Variants in OR2L13 observed in about 807,000 individuals in gnomAD.
OR2L13 encodes the protein olfactory receptor family 2 subfamily L member 13.
Under a neutral mutation model 15.3 loss-of-function variants are expected in OR2L13, and 14 were observed. The observed-to-expected ratio is 0.91, with a 90% confidence interval of 0.60 to 1.43. OR2L13 has a LOEUF of 1.43. OR2L13 is among the 40% of genes most tolerant of loss of function. OR2L13 has a pLI of 0.00. For synonymous variants in OR2L13, 152 were observed against 142.9 expected (o/e 1.06, Z -0.45); for missense variants, 367 against 387.9 (o/e 0.95, Z 0.45).
At chr1:248,060,282 A>T in the OR2L13 span, among the ~76,000 whole-genome samples, 1 of 152,166 alleles carries the variant, frequency 6.6e-6, no homozygotes. Context: ...AATATCTGGT[A>T]ACAAATGTTG....
chr1:247,986,577 A>G, the OR2L13 span, among the ~76,000 whole-genome samples: 424 of 152,222 alleles, frequency 2.8e-3, 1 homozygote, highest in African/African-American at 9.5e-3. Context: ...TTGGCTTAGG[A>G]TTGACTTGGC....
At chr1:247,955,488 G>A in the OR2L13 span, among the ~76,000 whole-genome samples, 5,709 of 151,848 alleles carry the variant, frequency 0.038, 120 homozygotes, top group African/African-American at 0.06. Flanking sequence ...TGGGTCAAAT[G>A]GTATTTCTAC....
chr1:248,085,220 T>G, the OR2L13 span, among the ~76,000 whole-genome samples: 4 of 151,670 alleles, frequency 2.6e-5, no homozygotes, highest in African/African-American at 7.3e-5. Flanking sequence ...GCCTCCATTA[T>G]AACTTTAAAC....
chr1:248,085,872 A>G, the OR2L13 span, among the ~76,000 whole-genome samples: 1,236 of 152,208 alleles, frequency 8.1e-3, 10 homozygotes, highest in African/African-American at 0.027. Flanking sequence ...GCAGTTCACA[A>G]TAGGGCTCAC....
the OR2L13 span, chr1:247,975,419 GGAA>G: frequency 1.4e-6 from 1 of 694,244 alleles, no homozygotes; most frequent in Non-Finnish European, 2.7e-6. Flanking sequence ...GCAGAAGGGA[GGAA>G]GAAGGCCTAT....
chr1:248,033,798 T>C, the OR2L13 span, among the ~76,000 whole-genome samples: 2 of 152,250 alleles, frequency 1.3e-5, no homozygotes, highest in South Asian at 2.1e-4. Flanking sequence ...CATACTGTTT[T>C]GATTTCTGTA....
chr1:248,072,605 G>A, the OR2L13 span, among the ~76,000 whole-genome samples: 16 of 151,842 alleles, frequency 1.1e-4, no homozygotes, highest in African/African-American at 2.4e-4. Flanking sequence ...AGCAATGGCA[G>A]CAAAAGCCAA....
At chr1:247,965,729 T>G in the OR2L13 span, 39 of 1,559,506 alleles carry the variant, frequency 2.5e-5, no homozygotes, top group Admixed American at 7.6e-4. Context: ...CTTGGTTTTA[T>G]GTCTTATGAT....
the OR2L13 span, chr1:247,966,092 C>G: frequency 1.9e-6 from 3 of 1,614,130 alleles, no homozygotes; most frequent in Non-Finnish European, 2.5e-6. Context: ...AAAGCTGTTT[C>G]CACTTGTTCC....
At chr1:248,022,118 C>T in the OR2L13 span, 58 of 1,613,942 alleles carry the variant, frequency 3.6e-5, no homozygotes, top group South Asian at 5.7e-4. Context: ...TCCACACACC[C>T]ATGTATTTCC....
chr1:248,059,786 T>A, the OR2L13 span, among the ~76,000 whole-genome samples: 1 of 152,190 alleles, frequency 6.6e-6, no homozygotes, highest in Admixed American at 6.5e-5. Context: ...AGCTCATGAC[T>A]GCACTCCCAG....
the OR2L13 span, among the ~76,000 whole-genome samples, chr1:248,031,548 G>T: frequency 6.6e-6 from 1 of 152,264 alleles, no homozygotes; most frequent in African/African-American, 2.4e-5. Context: ...GAGGAGATGG[G>T]GTCCAGTGAC....
chr1:248,051,889 A>T, the OR2L13 span, among the ~76,000 whole-genome samples: 2 of 152,144 alleles, frequency 1.3e-5, no homozygotes, highest in Non-Finnish European at 2.9e-5. Flanking sequence ...GGTTTACAAT[A>T]ATTTGATGAT....
the OR2L13 span, among the ~76,000 whole-genome samples, chr1:247,996,091 C>G: frequency 6.6e-6 from 1 of 152,210 alleles, no homozygotes; most frequent in African/African-American, 2.4e-5. Context: ...AGGCATCCTT[C>G]CTCTTCCTCC....
the OR2L13 span, chr1:247,990,642 T>C: frequency 1.3e-6 from 2 of 1,534,614 alleles, no homozygotes; most frequent in Admixed American, 3.3e-5. Context: ...ATGTGGCTAT[T>C]TGCTTTCCTC....
At chr1:248,009,102 A>G in the OR2L13 span, among the ~76,000 whole-genome samples, 1 of 152,160 alleles carries the variant, frequency 6.6e-6, no homozygotes, top group African/African-American at 2.4e-5. Flanking sequence ...TCTAAAACAG[A>G]CACACTAACA....
the OR2L13 span, among the ~76,000 whole-genome samples, chr1:248,049,739 T>G: frequency 2.0e-5 from 3 of 152,176 alleles, no homozygotes; most frequent in South Asian, 4.1e-4. Flanking sequence ...GTTTTAATAA[T>G]TTTTTTCTAT....
At chr1:248,059,917 G>T in the OR2L13 span, among the ~76,000 whole-genome samples, 1 of 151,934 alleles carries the variant, frequency 6.6e-6, no homozygotes, top group Non-Finnish European at 1.5e-5. Context: ...GCTTGTGGTC[G>T]TAGTCTCAGC....
chr1:247,977,839 A>G, the OR2L13 span, among the ~76,000 whole-genome samples: 1 of 152,138 alleles, frequency 6.6e-6, no homozygotes, highest in African/African-American at 2.4e-5. Flanking sequence ...TTGTCTGAGA[A>G]ACTGACTCAG....
Sources: allele counts gnomAD v4.1 joint callset (sites outside exome capture counted in the v4.1 genomes callset), GRCh38; gene constraint gnomAD v4.1.1; transcripts MANE v1.5; gene names NCBI Gene and HGNC (gene_info 2026-07-23, HGNC 2026-07-21).